LINGO2: variants seen among roughly 807,000 people sequenced by gnomAD.
LINGO2 encodes leucine-rich repeat and immunoglobulin-like domain-containing nogo receptor-interacting protein 2.
A neutral mutation model predicts 30.6 loss-of-function variants in LINGO2; 14 were observed. That is an observed-to-expected ratio of 0.46 (90% CI 0.30 to 0.72). The LOEUF (loss-of-function observed/expected upper bound fraction) is 0.72, where lower values mean the gene tolerates loss of function less well. LINGO2 is among the 30% of genes least tolerant of loss of function. The probability of loss-of-function intolerance (pLI) is 0.07; values close to 1 mark genes in which losing one functional copy is unlikely to be tolerated. For missense variants in LINGO2, 729 were observed against 751.7 expected (o/e 0.97, Z 0.35); for synonymous variants, 317 against 288.5 (o/e 1.10, Z -1.00).
At chr9:27,938,839 G>A in the LINGO2 span, 1 of 152,122 alleles carries the variant, frequency 6.6e-6, no homozygotes, top group Non-Finnish European at 1.5e-5. Context: ...AATTAAATGA[G>A]TAAATGAATG....
intron 1 of LINGO2, among the ~76,000 whole-genome samples, chr9:28,647,636 G>A (rs1380331334): frequency 2.0e-5 from 3 of 152,028 alleles, no homozygotes; most frequent in African/African-American, 4.8e-5. Context: ...TTACACAGAT[G>A]TACTAAAATT....
At chr9:28,571,104 T>C (rs1209404799) in intron 1 of LINGO2, among the ~76,000 whole-genome samples, 2 of 151,966 alleles carry the variant, frequency 1.3e-5, no homozygotes, top group Non-Finnish European at 2.9e-5. Flanking sequence ...ATCCATGATG[T>C]AGACTGAGCA....
intron 3 of LINGO2, among the ~76,000 whole-genome samples, chr9:28,341,370 T>A (rs966649775): frequency 2.6e-5 from 4 of 152,170 alleles, no homozygotes; most frequent in African/African-American, 9.6e-5. Context: ...TGTTTTACTA[T>A]CAAGACTCAC....
the LINGO2 span, among the ~76,000 whole-genome samples, chr9:29,051,797 G>A: frequency 2.0e-5 from 3 of 151,968 alleles, no homozygotes; most frequent in Non-Finnish European, 4.4e-5. Flanking sequence ...TCAAATTCTG[G>A]CTCCACCCAT....
the LINGO2 span, among the ~76,000 whole-genome samples, chr9:28,839,741 G>T: frequency 6.6e-6 from 1 of 152,178 alleles, no homozygotes; most frequent in Non-Finnish European, 1.5e-5. Flanking sequence ...TTTGGTCTGC[G>T]TACGTGGCAG....
At chr9:28,858,896 T>C in the LINGO2 span, among the ~76,000 whole-genome samples, 1 of 152,238 alleles carries the variant, frequency 6.6e-6, no homozygotes, top group African/African-American at 2.4e-5. Context: ...GATTTTATTA[T>C]GATTACTCTG....
chr9:28,704,022 C>T, the LINGO2 span, among the ~76,000 whole-genome samples: 1 of 151,918 alleles, frequency 6.6e-6, no homozygotes, highest in South Asian at 2.1e-4. Context: ...TGTTTCTTCT[C>T]TAATGGTTTT....
the LINGO2 span, among the ~76,000 whole-genome samples, chr9:28,782,790 T>C: frequency 6.6e-6 from 1 of 152,194 alleles, no homozygotes; most frequent in African/African-American, 2.4e-5. Context: ...CAGTCATGCA[T>C]CACTAAACAA....
chr9:28,546,283 G>T (rs1268103110), intron 1 of LINGO2, among the ~76,000 whole-genome samples: 2 of 152,020 alleles, frequency 1.3e-5, no homozygotes, highest in Non-Finnish European at 2.9e-5. Context: ...GCAAAAGGCA[G>T]GTTAATAAGA....
At chr9:29,012,458 A>G in the LINGO2 span, among the ~76,000 whole-genome samples, 7 of 152,202 alleles carry the variant, frequency 4.6e-5, no homozygotes, top group Admixed American at 2.0e-4. Context: ...AATTTTCAAC[A>G]TAGATAGAAG....
chr9:28,173,990 A>T (rs1828673626), intron 4 of LINGO2, among the ~76,000 whole-genome samples: 1 of 152,202 alleles, frequency 6.6e-6, no homozygotes, highest in South Asian at 2.1e-4. Flanking sequence ...AACTGAAAAA[A>T]ATCTATGTTA....
chr9:28,195,284 G>A (rs1318772744), intron 4 of LINGO2, among the ~76,000 whole-genome samples: 1 of 151,600 alleles, frequency 6.6e-6, no homozygotes, highest in Middle Eastern at 3.2e-3. Context: ...TAGTCATGGG[G>A]ATTAGGTCCT....
intron 5 of LINGO2, among the ~76,000 whole-genome samples, chr9:28,004,238 CTTTG>C (rs1405116090): frequency 2.6e-5 from 4 of 151,894 alleles, no homozygotes; most frequent in African/African-American, 7.3e-5. Context: ...AGTTTTTGAT[CTTTG>C]TTTTTCTTAT....
the LINGO2 span, among the ~76,000 whole-genome samples, chr9:29,107,032 A>C: frequency 2.0e-5 from 3 of 152,302 alleles, no homozygotes; most frequent in Admixed American, 6.5e-5. Flanking sequence ...CCTTGAATCT[A>C]TAACACACAC....
At chr9:28,375,425 C>T (rs1029439419) in intron 2 of LINGO2, among the ~76,000 whole-genome samples, 1 of 152,100 alleles carries the variant, frequency 6.6e-6, no homozygotes, top group Non-Finnish European at 1.5e-5. Context: ...CCTGCAGGGC[C>T]TTGTTTAGCA....
the LINGO2 span, among the ~76,000 whole-genome samples, chr9:29,143,912 A>G: frequency 1.7e-4 from 26 of 152,132 alleles, no homozygotes; most frequent in East Asian, 9.6e-4. Context: ...GTTGCACATT[A>G]AAGTATTTAA....
At chr9:28,804,064 T>C in the LINGO2 span, among the ~76,000 whole-genome samples, 1 of 152,102 alleles carries the variant, frequency 6.6e-6, no homozygotes, top group Non-Finnish European at 1.5e-5. Context: ...AATATAATTA[T>C]AGTTTAGAGA....
the LINGO2 span, among the ~76,000 whole-genome samples, chr9:29,127,857 C>T: frequency 1.2e-3 from 183 of 152,154 alleles, no homozygotes; most frequent in Non-Finnish European, 2.1e-3. Context: ...TGTGTTCAGG[C>T]GAATTAAACC....
chr9:28,058,154 T>C (rs191492648), intron 4 of LINGO2, among the ~76,000 whole-genome samples: 29 of 152,226 alleles, frequency 1.9e-4, no homozygotes, highest in Non-Finnish European at 3.2e-4. Flanking sequence ...CAGCTGCTAG[T>C]TGATACTACA....
Sources: gnomAD v4.1 joint callset for allele counts (sites outside exome capture counted in the v4.1 genomes callset) on GRCh38, gnomAD v4.1.1 for gene constraint, MANE v1.5 for transcripts, NCBI Gene and HGNC (gene_info 2026-07-23, HGNC 2026-07-21) for gene names.